Variants in PLD1 observed in about 807,000 individuals in gnomAD.
The protein encoded by PLD1 is choline phosphatase 1.
A neutral mutation model predicts 137.1 loss-of-function variants in PLD1; 112 were observed. That is an observed-to-expected ratio of 0.82 (90% confidence interval 0.70 to 0.96). The LOEUF is 0.96. Among genes scored for constraint, PLD1 ranks in the 40% least tolerant of loss-of-function variants. The probability of loss-of-function intolerance (pLI) is 0.00; values close to 1 mark genes in which losing one functional copy is unlikely to be tolerated. For missense variants in PLD1, 1,321 were observed against 1,342.0 expected, an observed-to-expected ratio of 0.98 and a Z score of 0.24; for synonymous variants, 431 against 454.7, an observed-to-expected ratio of 0.95 and a Z score of 0.66.
chr3:171,605,420 A>T lies in PLD1; in HGVS notation c.2883-4T>A, dbSNP rs761776884. 1 of 1,553,034 alleles carries T rather than the reference A, an allele frequency of 6.4e-7. No individual in the cohort carries two copies. The highest frequency in any genetic ancestry group is 1.1e-5 in the South Asian group (1 of 89,780). On this transcript the variant is annotated splice_polypyrimidine_tract_variant and splice_region_variant and intron_variant, in intron 25 of 26. Coordinates refer to ENST00000351298, the MANE Select transcript of PLD1 (RefSeq NM_002662.5). Reference sequence around the variant, plus strand: ...ATCAAGATAGCCAAGGACAACCCTGAAATACAAGTGACCTCCACATTGAGT... The same window carrying T: ...ATCAAGATAGCCAAGGACAACCCTGTAATACAAGTGACCTCCACATTGAGT...
intron 1 of PLD1, among the ~76,000 whole-genome samples, chr3:171,796,638 A>C (rs1310135471): frequency 6.6e-6 from 1 of 152,214 alleles, no homozygotes; most frequent in African/African-American, 2.4e-5. Context: ...CCTCTCCTGA[A>C]GAAACCAAGG....
intron 8 of PLD1, among the ~76,000 whole-genome samples, chr3:171,721,830 AG>A (rs1718148512): frequency 6.6e-6 from 1 of 151,214 alleles, no homozygotes; most frequent in Non-Finnish European, 1.5e-5. Flanking sequence ...AAAAATTTTC[AG>A]TTTTCTTTAG....
chr3:171,747,319 T>C (rs1720300813), intron 1 of PLD1, among the ~76,000 whole-genome samples: 1 of 152,208 alleles, frequency 6.6e-6, no homozygotes, highest in African/African-American at 2.4e-5. Flanking sequence ...CCCTCTCCTT[T>C]TGGCCTTGGC....
intron 1 of PLD1, chr3:171,765,008 GAA>G: frequency 6.7e-6 from 1 of 148,360 alleles, no homozygotes; most frequent in Non-Finnish European, 1.5e-5. Context: ...GAAAGAAAGA[GAA>G]AAAGAAAAAG....
chr3:171,665,809 T>C (rs1372563381), intron 19 of PLD1, among the ~76,000 whole-genome samples: 1 of 152,086 alleles, frequency 6.6e-6, no homozygotes, highest in East Asian at 1.9e-4. Flanking sequence ...TATGAGGGGT[T>C]TCCTACCTCC....
At chr3:171,640,914 C>G (rs1287741069) in intron 23 of PLD1, among the ~76,000 whole-genome samples, 1 of 152,194 alleles carries the variant, frequency 6.6e-6, no homozygotes, top group Non-Finnish European at 1.5e-5. Flanking sequence ...AGCTGTGATG[C>G]TAAATAAATG....
At chr3:171,643,967 A>G (rs561387075) in intron 22 of PLD1, among the ~76,000 whole-genome samples, 1 of 152,136 alleles carries the variant, frequency 6.6e-6, no homozygotes, top group East Asian at 1.9e-4. Flanking sequence ...TTCCACTACA[A>G]TGGTGCACTC....
At chr3:171,783,157 C>A (rs1722858085) in intron 1 of PLD1, among the ~76,000 whole-genome samples, 1 of 151,976 alleles carries the variant, frequency 6.6e-6, no homozygotes, top group Admixed American at 6.6e-5. Flanking sequence ...GAAATAGTCA[C>A]CTGGGAGAGT....
intron 9 of PLD1, among the ~76,000 whole-genome samples, chr3:171,711,262 C>A (rs1423967807): frequency 6.7e-6 from 1 of 148,880 alleles, no homozygotes; most frequent in East Asian, 2.0e-4. Context: ...CTTCCGCCTC[C>A]TGGGTTCAAG....
chr3:171,787,258 T>G (rs1053375656), intron 1 of PLD1, among the ~76,000 whole-genome samples: 1 of 152,160 alleles, frequency 6.6e-6, no homozygotes, highest in Non-Finnish European at 1.5e-5. Context: ...TTTTACCGAG[T>G]CTGTATGGTA....
chr3:171,743,421 A>G (rs1719921126), intron 1 of PLD1, among the ~76,000 whole-genome samples: 1 of 152,228 alleles, frequency 6.6e-6, no homozygotes, highest in African/African-American at 2.4e-5. Flanking sequence ...AAGAGAAACC[A>G]GTAAGCCTTC....
At chr3:171,683,339 A>G (rs749109255) in intron 16 of PLD1, among the ~76,000 whole-genome samples, 3 of 152,042 alleles carry the variant, frequency 2.0e-5, no homozygotes, top group Non-Finnish European at 2.9e-5. Context: ...CCATCCGATG[A>G]CTTCCTATCT....
intron 8 of PLD1, among the ~76,000 whole-genome samples, chr3:171,720,293 C>CAAAAA (rs752618596): frequency 8.4e-4 from 57 of 67,672 alleles, no homozygotes; most frequent in Admixed American, 1.3e-3. Flanking sequence ...GACCCTGTCT[C>CAAAAA]AAAAAAAAAA....
intron 23 of PLD1, among the ~76,000 whole-genome samples, chr3:171,641,918 T>C (rs536566979): frequency 1.3e-5 from 2 of 152,168 alleles, no homozygotes; most frequent in Admixed American, 6.5e-5. Flanking sequence ...GCCTTCTTAG[T>C]GTGGCTGTCC....
intron 1 of PLD1, among the ~76,000 whole-genome samples, chr3:171,798,610 TA>T (rs1296371928): frequency 6.6e-6 from 1 of 152,250 alleles, no homozygotes; most frequent in Non-Finnish European, 1.5e-5. Flanking sequence ...TTGGTTGTGT[TA>T]AAATAATTCT....
chr3:171,752,048 T>C lies in PLD1; in HGVS notation c.-31-13966A>G, dbSNP rs9811025. 6.9e-3 allele frequency among the ~76,000 whole-genome samples: 1,047 copies of C among 151,346 alleles called. 12 individuals are homozygous for C. The highest frequency in any genetic ancestry group is 0.02 in the African/African-American group (819 of 41,356). Reference sequence around the variant, plus strand: ...AAAGAAAATTAGACAACTGAAAATATCCATCTATCAGAGAATAGGTAAATG... The same window carrying C: ...AAAGAAAATTAGACAACTGAAAATACCCATCTATCAGAGAATAGGTAAATG... On this transcript the variant is annotated intron_variant, in intron 1 of 26. Transcript: ENST00000351298.
Position 171,674,622 on chromosome 3 carries a change from A to C in PLD1, c.2116-9T>G. 1.5e-6 allele frequency: 2 copies of C among 1,347,478 alleles called. No homozygotes were observed. The highest frequency in any genetic ancestry group is 2.1e-6 in the Non-Finnish European group (2 of 944,724). The allele number at this position is 1,347,478 out of a possible 1,614,324, so 83.5% of individuals were successfully genotyped here. On this transcript the variant is annotated splice_polypyrimidine_tract_variant and intron_variant, in intron 18 of 26. Coordinates refer to ENST00000351298, the MANE Select transcript of PLD1 (RefSeq NM_002662.5). ...TATTTTGATTTCATAATCTAAAATA[A>C]AGAAAAAGGATAAAATATTCAAATG...
At chr3:171,653,917 T>A in intron 21 of PLD1, 2 of 229,538 alleles carry the variant, frequency 8.7e-6, no homozygotes, top group South Asian at 9.2e-5. Context: ...TACCTGTGGA[T>A]AACAGAGCTG....
At chr3:171,608,196 A>G (rs1011590086) in intron 25 of PLD1, among the ~76,000 whole-genome samples, 1 of 152,234 alleles carries the variant, frequency 6.6e-6, no homozygotes, top group Non-Finnish European at 1.5e-5. Context: ...TCAGCATTAA[A>G]AAAATGAATT....
Sources: allele counts gnomAD v4.1 joint callset (sites outside exome capture counted in the v4.1 genomes callset), GRCh38; gene constraint gnomAD v4.1.1; transcripts MANE v1.5; gene names NCBI Gene and HGNC (gene_info 2026-07-23, HGNC 2026-07-21).